The following SIRPB2 variants were observed in gnomAD, a reference collection of about 807,000 sequenced individuals.
The protein encoded by SIRPB2 is signal-regulatory protein beta-2.
In SIRPB2, 18 loss-of-function variants were observed where a neutral mutation model predicts 27.1. That is an observed-to-expected ratio of 0.66 (90% confidence interval 0.46 to 0.98). The LOEUF is 0.98. Ranked by LOEUF, SIRPB2 falls within the 50% of genes least tolerant of loss-of-function variation. SIRPB2 has a pLI of 0.00. For synonymous variants in SIRPB2, 150 were observed against 164.6 expected (o/e 0.91, Z 0.68); for missense variants, 420 against 417.4 (o/e 1.01, Z -0.06).
At chr20:1,488,153 A>C (rs1464788737) in intron 1 of SIRPB2, among the ~76,000 whole-genome samples, 1 of 152,186 alleles carries the variant, frequency 6.6e-6, no homozygotes, top group Non-Finnish European at 1.5e-5. Flanking sequence ...ATAAAAAGAC[A>C]AGTCACAGAG....
At chr20:1,480,623 A>T (rs1436185896) in intron 1 of SIRPB2, among the ~76,000 whole-genome samples, 1 of 152,198 alleles carries the variant, frequency 6.6e-6, no homozygotes, top group Non-Finnish European at 1.5e-5. Context: ...GGGGAAGACC[A>T]TGTGAAGATA....
chr20:1,483,096 C>T (rs950518358), intron 1 of SIRPB2, among the ~76,000 whole-genome samples: 1 of 150,000 alleles, frequency 6.7e-6, no homozygotes, highest in Non-Finnish European at 1.5e-5. Flanking sequence ...CCCTTTTCTC[C>T]TCATCCTCAT....
At position 1,484,692 on chromosome 20, in the gene SIRPB2, T is replaced by TAA. The variant is rs146412483; in HGVS notation, c.86-4629_86-4628dup. ...GGAACGACTGTTAAAAAGGCAACAA[T>TAA]AAAAAAAAAAAACAAAATAAATAAA... On this transcript the variant is annotated intron_variant, in intron 1 of 4. Transcript: ENST00000359801. Among the ~76,000 whole-genome samples the TAA allele has an allele frequency of 6.9e-3, 920 of 132,774 alleles. 6 individuals carry two copies. The highest frequency in any genetic ancestry group is 0.024 in the African/African-American group (847 of 35,790). The allele number at this position is 132,774 out of a possible 152,430, so 87.1% of individuals were successfully genotyped here. A position where few individuals can be genotyped will look rare whatever the true frequency, so the allele number is the denominator to read the frequency against.
At chr20:1,477,276 G>A in intron 4 of SIRPB2, 62 bp downstream of exon 4, 1 of 1,614,136 alleles carries the variant, frequency 6.2e-7, no homozygotes, top group Non-Finnish European at 8.5e-7. Context: ...CCATGACCAA[G>A]CCATTCATGG....
chr20:1,489,763 G>T (rs1020829681), intron 1 of SIRPB2, among the ~76,000 whole-genome samples: 4 of 152,000 alleles, frequency 2.6e-5, no homozygotes, highest in African/African-American at 9.7e-5. Flanking sequence ...GCAAAATAGG[G>T]GCACTCATAT....
chr20:1,484,763 A>C (rs1364028230), intron 1 of SIRPB2, among the ~76,000 whole-genome samples: 7 of 152,220 alleles, frequency 4.6e-5, no homozygotes, highest in Admixed American at 6.5e-5. Flanking sequence ...AGAAAAGGAA[A>C]CTTTATACAT....
intron 1 of SIRPB2, among the ~76,000 whole-genome samples, chr20:1,487,871 A>G (rs6079330): frequency 0.16 from 24,087 of 152,242 alleles, 3,114 homozygotes; most frequent in East Asian, 0.74. Flanking sequence ...ACAATGGTGC[A>G]AGAACCATTG....
chr20:1,477,139 G>T, intron 4 of SIRPB2, 199 bp downstream of exon 4: 1 of 1,541,022 alleles, frequency 6.5e-7, no homozygotes, highest in African/African-American at 1.4e-5. Context: ...CCCTGGCTAT[G>T]AGAAAGTTCG....
chr20:1,491,180 G>T, intron 1 of SIRPB2, 95 bp downstream of exon 1: 1 of 1,140,460 alleles, frequency 8.8e-7, no homozygotes, highest in Non-Finnish European at 1.2e-6. Flanking sequence ...TATCTTCATG[G>T]GGTCAAGCTT....
intron 3 of SIRPB2, among the ~76,000 whole-genome samples, chr20:1,477,738 C>T (rs1030451841): frequency 1.3e-5 from 2 of 152,258 alleles, no homozygotes; most frequent in East Asian, 1.9e-4. Flanking sequence ...TACAAGGGTG[C>T]GATCTTGGCT....
intron 1 of SIRPB2, among the ~76,000 whole-genome samples, chr20:1,481,673 C>G (rs954310650): frequency 7.9e-5 from 12 of 152,174 alleles, no homozygotes; most frequent in African/African-American, 2.9e-4. Context: ...CTATCTTCAG[C>G]TAGGCATGTG....
Position 1,475,879 on chromosome 20 carries a change from C to G in SIRPB2, c.*288G>C. ...TAGCGAGGTGGGGAAAGGGGCAGGG[C>G]GCACCAGAAAGGGCTGCAGCAGGGG... is the stretch of plus-strand genomic sequence containing the variant. On this transcript the variant is annotated 3_prime_UTR_variant, in exon 5 of 5. Transcript: ENST00000359801. 2.9e-6 allele frequency: 1 copy of G among 339,634 alleles called. No individual in the cohort carries two copies. Among genetic ancestry groups the G allele is most frequent in the Non-Finnish European group, 5.4e-6 (1 of 184,344 alleles). The allele number at this position is 339,634 out of a possible 1,614,324, so 21.0% of individuals were successfully genotyped here.
chr20:1,481,611 C>G (rs1404855627), intron 1 of SIRPB2, among the ~76,000 whole-genome samples: 1 of 152,080 alleles, frequency 6.6e-6, no homozygotes, highest in African/African-American at 2.4e-5. Flanking sequence ...GCAAACATTT[C>G]CTTCTAAGAG....
At chr20:1,486,076 C>CTTTT (rs200298743) in intron 1 of SIRPB2, among the ~76,000 whole-genome samples, 2 of 141,514 alleles carry the variant, frequency 1.4e-5, no homozygotes, top group African/African-American at 5.2e-5. Flanking sequence ...CTTTTCTTTT[C>CTTTT]TTTTTTTTTT....
chr20:1,476,819 T>C, intron 4 of SIRPB2: 6 of 1,058,898 alleles, frequency 5.7e-6, no homozygotes, highest in African/African-American at 1.7e-5. Flanking sequence ...AGTCCTTGAA[T>C]GTTAACATGA....
chr20:1,479,212 C>T (rs1161091027), intron 2 of SIRPB2: 3 of 169,938 alleles, frequency 1.8e-5, no homozygotes, highest in Admixed American at 1.1e-4. Flanking sequence ...CATAGGTGGA[C>T]TTACAGATGC....
chr20:1,479,643 G>T lies in SIRPB2; in HGVS notation c.451+57C>A. On this transcript the variant is annotated intron_variant, in intron 2 of 4. Transcript: ENST00000359801. ...ACAGCATGATACAGTGGATAAAGGT[G>T]ACTGTGCAGGGAAACAGACTGGAGC... The T allele has an allele frequency of 1.9e-6, 3 of 1,587,706 alleles. No homozygotes were observed. The South Asian group carries it at 3.5e-5, about 19-fold the overall frequency.
chr20:1,471,460 G>A (rs1241781001), downstream of SIRPB2, among the ~76,000 whole-genome samples: 4 of 152,222 alleles, frequency 2.6e-5, no homozygotes, highest in Non-Finnish European at 4.4e-5. Flanking sequence ...ATGAATTAGA[G>A]TTACAGGTAA....
chr20:1,476,668 G>T, intron 4 of SIRPB2: 1 of 1,028,334 alleles, frequency 9.7e-7, no homozygotes, highest in Non-Finnish European at 1.2e-6. Flanking sequence ...CCAGAGTGGG[G>T]AAATGATTTT....
Sources: allele counts gnomAD v4.1 joint callset (sites outside exome capture counted in the v4.1 genomes callset), GRCh38; gene constraint gnomAD v4.1.1; transcripts MANE v1.5; gene names NCBI Gene and HGNC (gene_info 2026-07-23, HGNC 2026-07-21).